The following GFOD2 variants were observed in gnomAD, a reference collection of about 807,000 sequenced individuals.
The protein encoded by GFOD2 is Gfo/Idh/MocA-like oxidoreductase domain containing 2.
Under a neutral mutation model 24.6 loss-of-function variants are expected in GFOD2, and 9 were observed. The observed-to-expected ratio is 0.37, with a 90% CI of 0.22 to 0.64. The LOEUF (loss-of-function observed/expected upper bound fraction) is 0.64. Ranked by LOEUF, GFOD2 falls within the 30% of genes least tolerant of loss-of-function variation. The probability of loss-of-function intolerance (pLI) is 0.65; values close to 1 mark genes in which losing one functional copy is unlikely to be tolerated. For synonymous variants in GFOD2, 211 were observed against 224.8 expected (o/e 0.94, Z 0.55); for missense variants, 476 against 532.5 (o/e 0.89, Z 1.04).
intron 2 of GFOD2, 89 bp downstream of exon 2, chr16:67,685,368 A>T (rs2053258059): frequency 2.5e-6 from 4 of 1,578,494 alleles, no homozygotes; most frequent in Non-Finnish European, 3.5e-6. Context: ...CGAGCCCAGG[A>T]AGGAGAGCTC....
In GFOD2 at chr16:67,675,913, T is replaced by C. The variant is rs762547133; in HGVS notation, c.400A>G (p.Lys134Glu). The change falls in exon 3 of 3, where the codon AAA becomes GAA. Residue 134 changes from lysine (K) to glutamate (E), a missense_variant. Transcript: ENST00000268797. ...LRFLPAFVRM[K>E]QLISEHYVGA... ...ACATAGTGTTCCGAAATCAGCTGTT[T>C]CATGCGCACGAAGGCAGGCAGGAAG... is the stretch of plus-strand genomic sequence containing the variant. 6.2e-7 allele frequency: 1 copy of C among 1,614,204 alleles called. No homozygotes were observed. Among genetic ancestry groups the C allele is most frequent in the South Asian group, 1.1e-5 (1 of 91,086 alleles).
In GFOD2 at chr16:67,674,605, C is replaced by T. The variant is rs1376137728; in HGVS notation, c.*550G>A. 6.5e-6 allele frequency: 1 copy of T among 152,888 alleles called. No homozygotes were observed. Among genetic ancestry groups the T allele is most frequent in the Non-Finnish European group, 1.5e-5 (1 of 68,520 alleles). 9.5% of individuals were successfully genotyped at this position (152,888 alleles called of 1,614,324 possible). A position where few individuals can be genotyped will look rare whatever the true frequency, so the allele number is the denominator to read the frequency against. On this transcript the variant is annotated 3_prime_UTR_variant, in exon 3 of 3. Coordinates refer to ENST00000268797, the MANE Select transcript of GFOD2 (RefSeq NM_030819.4). ...CCTCCCTTGCCTCCTCTCTGCCAAA[C>T]CAGGGCCCTCTGTCCTACTTCAAAA... is the stretch of plus-strand genomic sequence containing the variant.
At chr16:67,716,843 C>T (rs751683338) in intron 1 of GFOD2, among the ~76,000 whole-genome samples, 11 of 152,210 alleles carry the variant, frequency 7.2e-5, no homozygotes, top group Non-Finnish European at 1.5e-4. Flanking sequence ...AGCACAGTCA[C>T]AATACCCATA....
intron 1 of GFOD2, among the ~76,000 whole-genome samples, chr16:67,692,714 T>G: frequency 7.3e-6 from 1 of 137,380 alleles, no homozygotes. Context: ...AGAAAGGGGA[T>G]AAAGGGGAAT....
chr16:67,692,842 T>C (rs1466130418), intron 1 of GFOD2, among the ~76,000 whole-genome samples: 4 of 150,912 alleles, frequency 2.7e-5, no homozygotes, highest in African/African-American at 9.8e-5. Flanking sequence ...CTGGCTAACA[T>C]GGTAAAACCC....
chr16:67,716,902 C>A (rs2053510574), intron 1 of GFOD2, among the ~76,000 whole-genome samples: 1 of 152,102 alleles, frequency 6.6e-6, no homozygotes, highest in South Asian at 2.1e-4. Context: ...TTTTCTTCTT[C>A]TTTTTTTGTT....
chr16:67,700,246 G>A (rs2053391853), intron 1 of GFOD2, among the ~76,000 whole-genome samples: 1 of 151,926 alleles, frequency 6.6e-6, no homozygotes, highest in South Asian at 2.1e-4. Context: ...ATGACAGTAT[G>A]TGCCTGTAGT....
chr16:67,676,672 A>G (rs1311708520), intron 2 of GFOD2: 1 of 152,340 alleles, frequency 6.6e-6, no homozygotes, highest in Non-Finnish European at 1.5e-5. Context: ...TGTTCTCTGA[A>G]AACACTGGTC....
intron 1 of GFOD2, among the ~76,000 whole-genome samples, chr16:67,712,576 C>T (rs1273684638): frequency 3.2e-3 from 255 of 78,672 alleles, no homozygotes; most frequent in African/African-American, 0.018. Flanking sequence ...GATGGAGTCT[C>T]GTTCACTCAG....
In GFOD2 at chr16:67,684,705, A is replaced by G; in HGVS notation, c.259+752T>C. 5.2e-6 allele frequency: 5 copies of G among 962,004 alleles called. No individual in the cohort carries two copies. The South Asian group carries it at 1.9e-4, about 37-fold the overall frequency. 59.6% of individuals were successfully genotyped at this position (962,004 alleles called of 1,614,324 possible). On this transcript the variant is annotated intron_variant, in intron 2 of 2. Coordinates refer to ENST00000268797, the MANE Select transcript of GFOD2 (RefSeq NM_030819.4). The stretch of plus-strand genomic sequence containing the variant: ...GAGGGAAACTCTGTCTCAAAATAAA[A>G]TAAAAATTGCTGGCTGAATGTTTAC...
chr16:67,717,602 C>T lies in GFOD2; in HGVS notation c.-88+1561G>A, dbSNP rs573685750. Among the ~76,000 whole-genome samples, 615 of 152,206 alleles carry T rather than the reference C, an allele frequency of 4.0e-3. 6 individuals carry two copies. Among genetic ancestry groups the T allele is most frequent in the Non-Finnish European group, 5.5e-3 (376 of 68,012 alleles). ...GGTCAGGAGTTCAAGACCAGCCTGG[C>T]CAACATGGTGAAACCCCTTCTCTAC... On this transcript the variant is annotated intron_variant, in intron 1 of 2. Transcript: ENST00000268797.
At chr16:67,689,927 A>G (rs976820502) in intron 1 of GFOD2, among the ~76,000 whole-genome samples, 1 of 152,166 alleles carries the variant, frequency 6.6e-6, no homozygotes, top group Admixed American at 6.5e-5. Context: ...AAGTGAAATC[A>G]TGCGTTATTT....
Position 67,685,700 on chromosome 16 carries a change from C to G in GFOD2, c.16G>C (p.Gly6Arg). 6.2e-7 allele frequency: 1 copy of G among 1,611,524 alleles called. No homozygotes were observed. Residue 6 changes from glycine (G) to arginine (R), a missense_variant, in exon 2 of 3, where the codon GGA becomes CGA. Physicochemically the swap from Gly to Arg is moderately radical, Grantham distance 125 (BLOSUM62 -2). Coordinates refer to ENST00000268797, the MANE Select transcript of GFOD2 (RefSeq NM_030819.4). ...CTGCCAGTCCCAAACACGCCCACTC[C>G]TGGCAGCATCTTCATCCCAGCCTCT... is the stretch of plus-strand genomic sequence containing the variant. MKMLP[G>R]VGVFGTGSSA... is the part of the protein sequence containing the mutation.
chr16:67,698,226 C>T (rs1230228733), intron 1 of GFOD2, among the ~76,000 whole-genome samples: 6 of 152,108 alleles, frequency 3.9e-5, no homozygotes, highest in African/African-American at 1.4e-4. Context: ...TTTAGAGGAC[C>T]CCTCTCTCCC....
intron 2 of GFOD2, among the ~76,000 whole-genome samples, chr16:67,678,416 C>A (rs1486345034): frequency 6.9e-6 from 1 of 144,590 alleles, no homozygotes; most frequent in Admixed American, 7.2e-5. Flanking sequence ...GTGGAGGTTG[C>A]GGTGAGCCAA....
At chr16:67,689,595 C>T (rs1034944172) in intron 1 of GFOD2, among the ~76,000 whole-genome samples, 4 of 151,896 alleles carry the variant, frequency 2.6e-5, no homozygotes, top group African/African-American at 9.6e-5. Context: ...TGCTGGAACC[C>T]GGGAGGCGGA....
intron 1 of GFOD2, among the ~76,000 whole-genome samples, chr16:67,696,117 G>A (rs1197669489): frequency 2.6e-5 from 4 of 151,346 alleles, no homozygotes; most frequent in East Asian, 1.9e-4. Context: ...AGGTTCAAGC[G>A]ATTCTCCTGC....
At chr16:67,676,108 T>G in intron 2 of GFOD2, 55 bp from the exon 3 acceptor site, 1 of 1,493,122 alleles carries the variant, frequency 6.7e-7, no homozygotes, top group Non-Finnish European at 9.0e-7. Context: ...ATCTCCAGCA[T>G]GTCCGCCTGC....
intron 2 of GFOD2, among the ~76,000 whole-genome samples, chr16:67,678,488 A>AG (rs1483053542): frequency 2.0e-5 from 3 of 151,880 alleles, no homozygotes; most frequent in African/African-American, 7.3e-5. Context: ...AAAAAAAAAA[A>AG]AAAAAAGAAA....
Sources: allele counts gnomAD v4.1 joint callset (sites outside exome capture counted in the v4.1 genomes callset), GRCh38; gene constraint gnomAD v4.1.1; transcripts MANE v1.5; gene names NCBI Gene and HGNC (gene_info 2026-07-23, HGNC 2026-07-21).